CPQ: variants seen among roughly 807,000 people sequenced by gnomAD.
The protein encoded by CPQ is Ser-Met dipeptidase.
CPQ carries 37 observed loss-of-function variants against 45.7 expected under a neutral mutation model. That is an observed-to-expected ratio of 0.81 (90% CI 0.62 to 1.07). CPQ has a LOEUF of 1.07. Among genes scored for constraint, CPQ ranks in the 50% least tolerant of loss-of-function variants. The pLI is 0.00. For missense variants in CPQ, 537 were observed against 572.9 expected, an observed-to-expected ratio of 0.94 and a Z score of 0.64; for synonymous variants, 186 against 205.8, an observed-to-expected ratio of 0.90 and a Z score of 0.82.
chr8:96,775,631 A>T (rs550356502), intron 1 of CPQ, among the ~76,000 whole-genome samples: 118 of 152,340 alleles, frequency 7.7e-4, no homozygotes, highest in African/African-American at 2.8e-3. Flanking sequence ...ACTTGCATGA[A>T]AACTGTGCAA....
intron 5 of CPQ, among the ~76,000 whole-genome samples, chr8:96,977,970 G>A (rs895463007): frequency 4.6e-5 from 7 of 151,942 alleles, no homozygotes; most frequent in Non-Finnish European, 1.0e-4. Flanking sequence ...AAAACCTATT[G>A]AAATAAAAAA....
chr8:97,115,893 A>C (rs866069941), intron 7 of CPQ, among the ~76,000 whole-genome samples: 2 of 152,230 alleles, frequency 1.3e-5, no homozygotes, highest in Admixed American at 6.5e-5. Context: ...TGTTTTTTTA[A>C]ATTTTTAAAG....
chr8:96,803,003 A>C (rs1217872400), intron 2 of CPQ, among the ~76,000 whole-genome samples: 1 of 151,816 alleles, frequency 6.6e-6, no homozygotes, highest in Non-Finnish European at 1.5e-5. Flanking sequence ...ACACACACAC[A>C]CACACACACA....
At chr8:96,793,223 C>G (rs947717409) in intron 2 of CPQ, among the ~76,000 whole-genome samples, 2 of 152,262 alleles carry the variant, frequency 1.3e-5, no homozygotes, top group Admixed American at 6.5e-5. Flanking sequence ...TAAAAATCAC[C>G]TGTATTGGTC....
At chr8:96,894,476 G>A (rs1440903793) in intron 4 of CPQ, among the ~76,000 whole-genome samples, 1 of 152,108 alleles carries the variant, frequency 6.6e-6, no homozygotes, top group Non-Finnish European at 1.5e-5. Flanking sequence ...GGGCAAAGAG[G>A]CAAGTGTATG....
At chr8:96,928,609 G>A (rs1288686972) in intron 4 of CPQ, among the ~76,000 whole-genome samples, 2 of 152,062 alleles carry the variant, frequency 1.3e-5, no homozygotes, top group Admixed American at 6.6e-5. Flanking sequence ...GTTTACCTCT[G>A]TACTCAACAG....
At chr8:96,760,434 G>A (rs780898323) in intron 1 of CPQ, among the ~76,000 whole-genome samples, 1 of 152,148 alleles carries the variant, frequency 6.6e-6, no homozygotes, top group Non-Finnish European at 1.5e-5. Flanking sequence ...AGTCAGGTCT[G>A]TCAGACCTTA....
chr8:97,030,252 G>A (rs1046017471), intron 6 of CPQ, among the ~76,000 whole-genome samples: 3 of 152,224 alleles, frequency 2.0e-5, no homozygotes, highest in Non-Finnish European at 1.5e-5. Flanking sequence ...TTGGTCTGCT[G>A]CTGCTGCTGG....
intron 5 of CPQ, among the ~76,000 whole-genome samples, chr8:97,024,673 A>AC (rs1248750754): frequency 2.6e-5 from 4 of 152,050 alleles, no homozygotes; most frequent in African/African-American, 9.7e-5. Context: ...GAGGTCTCAG[A>AC]CCCCAAACCC....
intron 1 of CPQ, among the ~76,000 whole-genome samples, chr8:96,653,003 C>T (rs1815596049): frequency 6.6e-6 from 1 of 152,180 alleles, no homozygotes; most frequent in African/African-American, 2.4e-5. Flanking sequence ...GTGATCTTGG[C>T]TCACTGCAAC....
intron 1 of CPQ, among the ~76,000 whole-genome samples, chr8:96,733,732 G>GA (rs1277699092): frequency 4.6e-5 from 7 of 151,574 alleles, no homozygotes; most frequent in South Asian, 2.1e-4. Context: ...TTTTTTTCCT[G>GA]AAAAAAAATC....
At chr8:97,022,997 A>ATATACT (rs1809723387) in intron 5 of CPQ, among the ~76,000 whole-genome samples, 1 of 141,632 alleles carries the variant, frequency 7.1e-6, no homozygotes, top group Non-Finnish European at 1.5e-5. Flanking sequence ...ATATATATAC[A>ATATACT]GTATATATAT....
At chr8:96,840,910 C>T (rs1196510423) in intron 3 of CPQ, among the ~76,000 whole-genome samples, 1 of 152,096 alleles carries the variant, frequency 6.6e-6, no homozygotes, top group Admixed American at 6.5e-5. Context: ...TAGAGAAAAA[C>T]CAGATTTGGT....
intron 1 of CPQ, among the ~76,000 whole-genome samples, chr8:96,655,280 G>A (rs1180407323): frequency 1.3e-5 from 2 of 151,008 alleles, no homozygotes; most frequent in East Asian, 1.9e-4. Flanking sequence ...TTTTCTTTTT[G>A]CTCCTCTGAT....
chr8:96,733,989 T>C (rs1809946028), intron 1 of CPQ, among the ~76,000 whole-genome samples: 1 of 152,218 alleles, frequency 6.6e-6, no homozygotes, highest in Non-Finnish European at 1.5e-5. Context: ...GCTAGTGTTC[T>C]CCAATTCAGT....
intron 4 of CPQ, among the ~76,000 whole-genome samples, chr8:96,906,275 A>G (rs1040646232): frequency 7.9e-5 from 12 of 152,296 alleles, no homozygotes; most frequent in African/African-American, 2.9e-4. Context: ...AATGTGGATA[A>G]GGATACTTAC....
At chr8:97,019,447 T>C (rs1229888771) in intron 5 of CPQ, among the ~76,000 whole-genome samples, 1 of 152,184 alleles carries the variant, frequency 6.6e-6, no homozygotes, top group African/African-American at 2.4e-5. Flanking sequence ...GCAGAATGGA[T>C]AAGAATTCAC....
chr8:97,022,422 G>C (rs575015348), intron 5 of CPQ, among the ~76,000 whole-genome samples: 3 of 152,102 alleles, frequency 2.0e-5, no homozygotes, highest in Non-Finnish European at 4.4e-5. Flanking sequence ...GTGGCAAAAG[G>C]AACAGTCAGC....
At chr8:96,654,961 T>A (rs1196681543) in intron 1 of CPQ, among the ~76,000 whole-genome samples, 1 of 151,814 alleles carries the variant, frequency 6.6e-6, no homozygotes, top group East Asian at 1.9e-4. Context: ...GAATACAGCA[T>A]GTTCAGCTGC....
Sources: gnomAD v4.1 joint callset for allele counts (sites outside exome capture counted in the v4.1 genomes callset) on GRCh38, gnomAD v4.1.1 for gene constraint, MANE v1.5 for transcripts, NCBI Gene and HGNC (gene_info 2026-07-23, HGNC 2026-07-21) for gene names.